SRP54: variants seen among roughly 807,000 people sequenced by gnomAD.
SRP54 encodes signal recognition particle subunit SRP54.
In SRP54, 10 loss-of-function variants were observed where a neutral mutation model predicts 64.8. The observed-to-expected ratio is 0.15, with a 90% CI of 0.10 to 0.26. The LOEUF is 0.26. Ranked by LOEUF, SRP54 falls within the 10% of genes least tolerant of loss-of-function variation. The pLI is 1.00. For missense variants in SRP54, 325 were observed against 613.7 expected (o/e 0.53, Z 4.97); for synonymous variants, 193 against 185.6 (o/e 1.04, Z -0.32).
chr14:35,015,141 A>G (rs1424936411), intron 11 of SRP54, among the ~76,000 whole-genome samples: 1 of 152,096 alleles, frequency 6.6e-6, no homozygotes, highest in African/African-American at 2.4e-5. Flanking sequence ...CAGTGGTGCA[A>G]TCTTGGCTCA....
chr14:35,023,709 A>G (rs949492709), intron 14 of SRP54, among the ~76,000 whole-genome samples: 9 of 151,582 alleles, frequency 5.9e-5, no homozygotes, highest in Admixed American at 1.3e-4. Flanking sequence ...ACTTGAACCC[A>G]GGAGGCGGAG....
intron 11 of SRP54, 98 bp from the exon 12 acceptor site, chr14:35,018,594 A>G: frequency 4.4e-6 from 4 of 912,976 alleles, no homozygotes; most frequent in Admixed American, 2.5e-5. Context: ...TTTTATAAAT[A>G]TGCTTCAAGA....
intron 2 of SRP54, among the ~76,000 whole-genome samples, chr14:34,999,054 A>G (rs1447039047): frequency 1.7e-5 from 2 of 115,480 alleles, no homozygotes; most frequent in Non-Finnish European, 3.3e-5. Context: ...TCACTCTGTC[A>G]CCCAGGCTGG....
chr14:35,022,365 T>G (rs187754035), intron 13 of SRP54, among the ~76,000 whole-genome samples: 1 of 150,220 alleles, frequency 6.7e-6, no homozygotes, highest in African/African-American at 2.4e-5. Context: ...CGTATTTTCT[T>G]TTTTTTTTTG....
At chr14:35,028,894 C>T (rs555995616) in intron 15 of SRP54, among the ~76,000 whole-genome samples, 167 bp from the exon 16 acceptor site, 1 of 152,256 alleles carries the variant, frequency 6.6e-6, no homozygotes, top group South Asian at 2.1e-4. Flanking sequence ...ATGAAGATAA[C>T]TGGTGATAAT....
chr14:35,002,347 C>G (rs1311544971), intron 4 of SRP54, among the ~76,000 whole-genome samples: 2 of 151,922 alleles, frequency 1.3e-5, no homozygotes, highest in Non-Finnish European at 2.9e-5. Context: ...GGGTGAGACC[C>G]TGTCTTTAAA....
chr14:35,000,546 G>A (rs959804320), intron 3 of SRP54, among the ~76,000 whole-genome samples: 1 of 147,978 alleles, frequency 6.8e-6, no homozygotes, highest in Admixed American at 6.9e-5. Context: ...CATCCTGGCT[G>A]ATAGTGAGAC....
chr14:35,014,290 T>TTTTTTTTTTTTTTTG (rs376712278), intron 10 of SRP54, among the ~76,000 whole-genome samples: 2 of 127,268 alleles, frequency 1.6e-5, no homozygotes, highest in Non-Finnish European at 1.7e-5. Flanking sequence ...TTTTTTTTTT[T>TTTTTTTTTTTTTTTG]TTTTGAGACG....
intron 13 of SRP54, among the ~76,000 whole-genome samples, chr14:35,020,191 AAAAAAT>A (rs939941902): frequency 2.9e-4 from 15 of 50,940 alleles, no homozygotes; most frequent in African/African-American, 7.7e-4. Flanking sequence ...TCTCAAAAGA[AAAAAAT>A]AAAAAAATAT....
intron 13 of SRP54, among the ~76,000 whole-genome samples, chr14:35,021,290 A>G (rs1283659966): frequency 6.6e-6 from 1 of 152,182 alleles, no homozygotes; most frequent in Admixed American, 6.6e-5. Flanking sequence ...AGAGGTGGAT[A>G]TTTGTCATCC....
intron 1 of SRP54, among the ~76,000 whole-genome samples, chr14:34,996,171 C>CT (rs1219661397): frequency 6.6e-6 from 1 of 151,890 alleles, no homozygotes; most frequent in Non-Finnish European, 1.5e-5. Flanking sequence ...TTCGATATAG[C>CT]TGATAGCTGA....
At chr14:35,015,867 C>T (rs951349551) in intron 11 of SRP54, among the ~76,000 whole-genome samples, 2 of 152,186 alleles carry the variant, frequency 1.3e-5, no homozygotes, top group African/African-American at 4.8e-5. Context: ...GAGCTTCAGA[C>T]TCATGTATCT....
chr14:35,008,750 A>G (rs569783383), intron 6 of SRP54, 24 bp from the exon 7 acceptor site: 42 of 1,603,208 alleles, frequency 2.6e-5, no homozygotes, highest in Non-Finnish European at 3.4e-5. Context: ...AAGTTTGAGG[A>G]TTCATGAACT....
chr14:35,008,716 T>C, intron 6 of SRP54, 23 bp downstream of exon 6: 5 of 1,604,414 alleles, frequency 3.1e-6, no homozygotes, highest in South Asian at 1.1e-5. Context: ...AATTTGAAAA[T>C]TGTTTTATAT....
chr14:35,016,287 C>G (rs1254591802), intron 11 of SRP54, among the ~76,000 whole-genome samples: 1 of 152,170 alleles, frequency 6.6e-6, no homozygotes, highest in East Asian at 1.9e-4. Context: ...TACTGCTTTT[C>G]TTAAAATTCT....
At chr14:34,991,127 TTTGTTG>T (rs1555352959) in intron 1 of SRP54, among the ~76,000 whole-genome samples, 1 of 123,130 alleles carries the variant, frequency 8.1e-6, no homozygotes, top group African/African-American at 2.8e-5. Flanking sequence ...TTTTTTTTTT[TTTGTTG>T]TTGTTGTTGT....
At chr14:35,014,412 G>A (rs959229757) in intron 10 of SRP54, among the ~76,000 whole-genome samples, 5 of 151,910 alleles carry the variant, frequency 3.3e-5, no homozygotes, top group Admixed American at 2.6e-4. Context: ...CAGGTAGCTG[G>A]GATTACAGGC....
chr14:35,018,552 G>T (rs1237027506), intron 11 of SRP54, 140 bp from the exon 12 acceptor site: 1 of 668,970 alleles, frequency 1.5e-6, no homozygotes, highest in East Asian at 2.8e-5. Flanking sequence ...CTTGCACATG[G>T]TAACTGCTTG....
At chr14:35,000,440 G>A (rs553715543) in intron 3 of SRP54, among the ~76,000 whole-genome samples, 10 of 151,850 alleles carry the variant, frequency 6.6e-5, no homozygotes, top group African/African-American at 1.5e-4. Context: ...GGTGGCACAC[G>A]CCTGTAATCC....
Sources: gnomAD v4.1 joint callset for allele counts (sites outside exome capture counted in the v4.1 genomes callset) on GRCh38, gnomAD v4.1.1 for gene constraint, MANE v1.5 for transcripts, NCBI Gene and HGNC (gene_info 2026-07-23, HGNC 2026-07-21) for gene names.